EPS8L1: variants seen among roughly 807,000 people sequenced by gnomAD.
EPS8L1 encodes the protein epidermal growth factor receptor kinase substrate 8-like protein 1.
In EPS8L1, 101 loss-of-function variants were observed where a neutral mutation model predicts 91.7. The observed-to-expected ratio is 1.10, with a 90% confidence interval of 0.94 to 1.30. EPS8L1 has a LOEUF of 1.30. EPS8L1 is among the 50% of genes most tolerant of loss of function. The pLI is 0.00. For synonymous variants in EPS8L1, 506 were observed against 445.3 expected (o/e 1.14, Z -1.72); for missense variants, 1,114 against 1,017.0 (o/e 1.10, Z -1.30).
In EPS8L1 at chr19:55,086,530, G is replaced by C; in HGVS notation, c.1777+12G>C. On this transcript the variant is annotated intron_variant, in intron 17 of 19. Transcript: ENST00000201647. ...CCCCAGCGAGAAGGGTGAGTGGTGG[G>C]GACGCCGGCTGCGGGGAGCGGTCCT... The C allele has an allele frequency of 6.4e-7, 1 of 1,550,516 alleles. No homozygotes were observed. The highest frequency in any genetic ancestry group is 8.7e-7 in the Non-Finnish European group (1 of 1,146,514).
chr19:55,085,599 C>A, intron 14 of EPS8L1: 1 of 409,434 alleles, frequency 2.4e-6, no homozygotes, highest in East Asian at 3.9e-5. Flanking sequence ...TCATTCTCCT[C>A]TGTAAAATGG....
At chr19:55,080,709 G>A in intron 6 of EPS8L1, 63 bp from the exon 7 acceptor site, 2 of 1,584,976 alleles carry the variant, frequency 1.3e-6, no homozygotes, top group South Asian at 1.1e-5. Flanking sequence ...TCGGCCAGGG[G>A]CGAGGCCCGG....
chr19:55,080,304 GTGGAGCTGGAACTGGGCGGAGCC>G lies in EPS8L1; in HGVS notation c.429+33_429+55del. 3 of 1,537,372 alleles carry G rather than the reference GTGGAGCTGGAACTGGGCGGAGCC, an allele frequency of 2.0e-6. 1 individual carries two copies. In the South Asian group the frequency reaches 3.7e-5, roughly 19 times the overall value. ...GTGAGCAGATGGGCTGGCTCTGGGG[GTGGAGCTGGAACTGGGCGGAGCC>G]TGGAGCCGGGGCGGAAATGGGTGGG... On this transcript the variant is annotated intron_variant, in intron 6 of 19. Coordinates refer to ENST00000201647, the MANE Select transcript of EPS8L1 (RefSeq NM_133180.3).
In EPS8L1 at chr19:55,081,530, G is replaced by T. The variant is rs1292984995; in HGVS notation, c.774+38G>T. The T allele has an allele frequency of 2.6e-6, 4 of 1,518,452 alleles. No individual in the cohort carries two copies. In the Admixed American group the frequency reaches 6.5e-5, roughly 25 times the overall value. The allele number at this position is 1,518,452 out of a possible 1,614,324, so 94.1% of individuals were successfully genotyped here. On this transcript the variant is annotated intron_variant, in intron 8 of 19. Transcript: ENST00000201647. This position sits in a 1 kb window ranked among gnomAD's most constrained non-coding sequence, Gnocchi z 4.9. ...GGAAGGGGTCTGGGGGCAGGGCCAGGCGACTGGAGGCGGGGCTAGGGCGTG... is the reference window on the plus strand; with the variant it reads ...GGAAGGGGTCTGGGGGCAGGGCCAGTCGACTGGAGGCGGGGCTAGGGCGTG...
rs1443562817 is a variant in EPS8L1, at chr19:55,086,392, A to AACAGC, written c.1654_1658dup (p.Pro554AlafsTer108). ...GGTACTCTCCTCTCCTTCCTTTCAG[A>AACAGC]ACAGCACTCCTCCTCCACCACCAGC... is the stretch of plus-strand genomic sequence containing the variant. On this transcript the variant is annotated frameshift_variant and splice_region_variant, in exon 17 of 20. Coordinates refer to ENST00000201647, the MANE Select transcript of EPS8L1 (RefSeq NM_133180.3). LOFTEE classifies it high-confidence loss of function. The AACAGC allele has an allele frequency of 2.5e-6, 4 of 1,580,544 alleles. No individual in the cohort carries two copies. The African/African-American group carries it at 5.4e-5, about 21-fold the overall frequency.
At chr19:55,087,506 C>T (rs908600524) in intron 19 of EPS8L1, 22 bp from the exon 20 acceptor site, 5 of 1,614,002 alleles carry the variant, frequency 3.1e-6, no homozygotes, top group Admixed American at 1.7e-5. Flanking sequence ...CAGGACAAAG[C>T]GATTTCCACC....
rs1487227712 is a variant in EPS8L1, at chr19:55,087,509, T to G, written c.2086-19T>G. ...GGGCTCGGACGCCAGGACAAAGCGA[T>G]TTCCACCCCGCCCTCCAGGACAAAG... On this transcript the variant is annotated intron_variant, in intron 19 of 19. Coordinates refer to ENST00000201647, the MANE Select transcript of EPS8L1 (RefSeq NM_133180.3). The G allele has an allele frequency of 3.1e-6, 5 of 1,613,738 alleles. No individual in the cohort carries two copies. Among genetic ancestry groups the G allele is most frequent in the Admixed American group, 1.7e-5 (1 of 59,972 alleles).
At chr19:55,076,981 T>C (rs899573027) in intron 2 of EPS8L1, among the ~76,000 whole-genome samples, 4 of 152,016 alleles carry the variant, frequency 2.6e-5, no homozygotes, top group Non-Finnish European at 4.4e-5. Flanking sequence ...ACCTGCATGG[T>C]AGGTAGTGAG....
rs1417083992 is a variant in EPS8L1, at chr19:55,087,232, G to C, written c.1953-71G>C. ...GTTCTGATTGGACCATCGCCGGGTGGGCGTGACATGATTGTCCGGGCTGGG... is the reference window on the plus strand; with the variant it reads ...GTTCTGATTGGACCATCGCCGGGTGCGCGTGACATGATTGTCCGGGCTGGG... On this transcript the variant is annotated intron_variant, in intron 18 of 19. Coordinates refer to ENST00000201647, the MANE Select transcript of EPS8L1 (RefSeq NM_133180.3). 2.0e-6 allele frequency: 3 copies of C among 1,526,068 alleles called. No individual in the cohort carries two copies. The Admixed American group carries it at 6.2e-5, about 32-fold the overall frequency. The allele number at this position is 1,526,068 out of a possible 1,614,324, so 94.5% of individuals were successfully genotyped here. A position where few individuals can be genotyped will look rare whatever the true frequency, so the allele number is the denominator to read the frequency against.
intron 18 of EPS8L1, 25 bp downstream of exon 18, chr19:55,086,913 G>A: frequency 7.1e-7 from 1 of 1,411,784 alleles, no homozygotes; most frequent in Non-Finnish European, 9.2e-7. Flanking sequence ...GGCCCTCTCG[G>A]CGCGGGTTGA....
chr19:55,086,738 TCAA>T lies in EPS8L1; in HGVS notation c.1804_1806del (p.Asn602del), dbSNP rs2076356674. 2 of 1,609,084 alleles carry T rather than the reference TCAA, an allele frequency of 1.2e-6. No homozygotes were observed. The highest frequency in any genetic ancestry group is 1.7e-6 in the Non-Finnish European group (2 of 1,178,290). On this transcript the variant is annotated inframe_deletion, in exon 18 of 20. Coordinates refer to ENST00000201647, the MANE Select transcript of EPS8L1 (RefSeq NM_133180.3). Reference sequence around the variant, plus strand: ...GAGAAATTCTCCCAGATGCTCATCGTCAACGAGGAACTGCAGGCGCGCCTGGCC... The same window carrying T: ...GAGAAATTCTCCCAGATGCTCATCGTCGAGGAACTGCAGGCGCGCCTGGCC...
chr19:55,083,558 C>T lies in EPS8L1; in HGVS notation c.1356+39C>T. ...CACAGCAGGGCCGAGGCTGGGAAGTCCGGGGGCGCGGCCGGTCCGCCTGGC... is the reference window on the plus strand; with the variant it reads ...CACAGCAGGGCCGAGGCTGGGAAGTTCGGGGGCGCGGCCGGTCCGCCTGGC... On this transcript the variant is annotated intron_variant, in intron 13 of 19. Transcript: ENST00000201647. This position sits in a 1 kb window ranked among gnomAD's most constrained non-coding sequence, Gnocchi z 4.7. 2 of 1,599,282 alleles carry T rather than the reference C, an allele frequency of 1.3e-6. No homozygotes were observed. Among genetic ancestry groups the T allele is most frequent in the Non-Finnish European group, 1.7e-6 (2 of 1,173,030 alleles).
chr19:55,086,615 C>T, intron 17 of EPS8L1, 97 bp downstream of exon 17: 1 of 1,531,112 alleles, frequency 6.5e-7, no homozygotes, highest in Non-Finnish European at 8.8e-7. Context: ...ACTCCCGTCC[C>T]ATTCTGGGGA....
rs374888062 is a variant in EPS8L1, at chr19:55,087,293, C to T, written c.1953-10C>T. The T allele has an allele frequency of 2.1e-5, 33 of 1,596,244 alleles. No homozygotes were observed. The highest frequency in any genetic ancestry group is 2.6e-5 in the Non-Finnish European group (31 of 1,172,066). On this transcript the variant is annotated splice_polypyrimidine_tract_variant and intron_variant, in intron 18 of 19. Coordinates refer to ENST00000201647, the MANE Select transcript of EPS8L1 (RefSeq NM_133180.3). ...ACCGGCCTGACCGCGCCCGGGCTGC[C>T]CTCGCTCAGGACCGTGGACGCGCTG...
intron 6 of EPS8L1, 107 bp downstream of exon 6, chr19:55,080,385 CG>C (rs2076229223): frequency 1.3e-6 from 2 of 1,557,020 alleles, no homozygotes; most frequent in African/African-American, 2.7e-5. Context: ...GGGGCTAAGG[CG>C]GGATCAGAGC....
In EPS8L1 at chr19:55,083,517, C is replaced by T. The variant is rs556546069; in HGVS notation, c.1354C>T (p.Gln452Ter). 7 of 1,609,480 alleles carry T rather than the reference C, an allele frequency of 4.3e-6. No homozygotes were observed. The South Asian group carries it at 7.7e-5, about 18-fold the overall frequency. The part of the protein sequence containing the change: ...KQLQHERRRR[Q>*]QSAPQVAVNG... Reference sequence around the variant, plus strand: ...GCTACAGCACGAGCGGAGGCGCCGGCAGGTGACCCAAGCGACACAGCAGGG... The same window carrying T: ...GCTACAGCACGAGCGGAGGCGCCGGTAGGTGACCCAAGCGACACAGCAGGG... Residue 452 changes from glutamine to a stop codon, truncating the protein, a stop_gained and splice_region_variant, in exon 13 of 20, where the codon CAG (glutamine) becomes TAG (stop). Transcript: ENST00000201647. LOFTEE classifies it high-confidence loss of function. This position sits in a 1 kb window ranked among gnomAD's most constrained non-coding sequence, Gnocchi z 4.7.
chr19:55,080,160 T>A lies in EPS8L1; in HGVS notation c.311T>A (p.Ile104Asn). The A allele has an allele frequency of 2.0e-6, 3 of 1,525,866 alleles. No individual in the cohort carries two copies. The highest frequency in any genetic ancestry group is 2.7e-6 in the Non-Finnish European group (3 of 1,130,272). 94.5% of individuals were successfully genotyped at this position (1,525,866 alleles called of 1,614,324 possible). The change falls in exon 6 of 20, where the codon ATC becomes AAC. Residue 104 changes from isoleucine (I) to asparagine (N), a missense_variant. Physicochemically the swap from Ile to Asn is moderately radical, Grantham distance 149. Coordinates refer to ENST00000201647, the MANE Select transcript of EPS8L1 (RefSeq NM_133180.3). Reference protein sequence around the residue: ...EELESYPLGAIVRCDAVMPPG... With the variant: ...EELESYPLGANVRCDAVMPPG... ...CTGGAGTCGTACCCACTGGGCGCCA[T>A]CGTGCGCTGTGACGCGGTGATGCCA...
intron 18 of EPS8L1, 96 bp downstream of exon 18, chr19:55,086,984 G>T (rs2076359841): frequency 7.3e-7 from 1 of 1,376,576 alleles, no homozygotes; most frequent in Non-Finnish European, 9.4e-7. Flanking sequence ...CAGTCGTGGA[G>T]ACCACAGGGA....
In EPS8L1 at chr19:55,086,449, CGGCCCCGCTGGGACA is replaced by C. The variant is rs745367682; in HGVS notation, c.1725_1739del (p.Arg575_Asp579del). On this transcript the variant is annotated inframe_deletion, in exon 17 of 20. Transcript: ENST00000201647. ...CCCGGCCCCACCTCCAGCTCTGGCT[CGGCCCCGCTGGGACA>C]GGCCCCGCTGGGACAGCTGCGATAG... The C allele has an allele frequency of 1.0e-4, 155 of 1,553,526 alleles. 1 individual carries two copies. The highest frequency in any genetic ancestry group is 6.6e-4 in the East Asian group (27 of 41,208).
Sources: allele counts gnomAD v4.1 joint callset (sites outside exome capture counted in the v4.1 genomes callset), GRCh38; gene constraint gnomAD v4.1.1; non-coding constraint Gnocchi (gnomAD v3.1); transcripts MANE v1.5; gene names NCBI Gene and HGNC (gene_info 2026-07-23, HGNC 2026-07-21).